Variants in CPLX1 observed in about 807,000 individuals in gnomAD.
CPLX1 encodes complexin-1.
CPLX1 carries 6 observed loss-of-function variants against 15.6 expected under a neutral mutation model. The ratio of observed to expected loss-of-function variants is 0.39; its 90% CI spans 0.21 to 0.76. The LOEUF (loss-of-function observed/expected upper bound fraction) is 0.76, where lower values mean the gene tolerates loss of function less well. CPLX1 is among the 30% of genes least tolerant of loss of function. CPLX1 has a pLI of 0.43. For missense variants in CPLX1, 242 were observed against 188.6 expected (o/e 1.28, Z -1.66); for synonymous variants, 91 against 75.2 (o/e 1.21, Z -1.08).
chr4:788,994 C>T (rs1177089927), intron 3 of CPLX1, among the ~76,000 whole-genome samples: 1 of 152,234 alleles, frequency 6.6e-6, no homozygotes, highest in African/African-American at 2.4e-5. Flanking sequence ...ATCCTTCCTT[C>T]TGGGCCCAGG....
chr4:796,020 G>A (rs2152644196), intron 2 of CPLX1, among the ~76,000 whole-genome samples: 2 of 152,236 alleles, frequency 1.3e-5, no homozygotes, highest in Admixed American at 1.3e-4. Flanking sequence ...CCACGCTCCC[G>A]AGACGCCCAG....
intron 2 of CPLX1, among the ~76,000 whole-genome samples, chr4:793,985 C>G (rs552864013): frequency 4.9e-4 from 75 of 152,368 alleles, no homozygotes; most frequent in Non-Finnish European, 1.5e-5. Context: ...CTCCATGTCC[C>G]TGGCGCTCTG....
intron 2 of CPLX1, among the ~76,000 whole-genome samples, chr4:806,977 A>G (rs1746565890): frequency 6.6e-6 from 1 of 152,266 alleles, no homozygotes; most frequent in Non-Finnish European, 1.5e-5. Flanking sequence ...ATTACTGGGT[A>G]TATACCCAAA....
intron 2 of CPLX1, among the ~76,000 whole-genome samples, chr4:813,803 G>A (rs145007891): frequency 3.4e-4 from 52 of 152,222 alleles, no homozygotes; most frequent in East Asian, 1.4e-3. Flanking sequence ...TGACCTGTGC[G>A]GATTCCCAAG....
At chr4:798,101 C>T (rs1019389475) in intron 2 of CPLX1, among the ~76,000 whole-genome samples, 1 of 151,832 alleles carries the variant, frequency 6.6e-6, no homozygotes, top group African/African-American at 2.4e-5. Context: ...ATGGTGAAAC[C>T]CCGTTTCTAC....
In CPLX1 at chr4:826,075, G is replaced by C. The variant is rs1746985061; in HGVS notation, c.-109C>G. Reference sequence around the variant, plus strand: ...CCGGGGCGCGGGCGGTCAGCGGCGGGGCGCGCTCGGGCCGGCTGGGTCCAT... The same window carrying C: ...CCGGGGCGCGGGCGGTCAGCGGCGGCGCGCGCTCGGGCCGGCTGGGTCCAT... On this transcript the variant is annotated 5_prime_UTR_variant, in exon 1 of 4. Transcript: ENST00000304062. 1 of 145,318 alleles carries C rather than the reference G, an allele frequency of 6.9e-6. No homozygotes were observed. The highest frequency in any genetic ancestry group is 1.5e-5 in the Non-Finnish European group (1 of 66,046). The allele number at this position is 145,318 out of a possible 1,614,324, so 9.0% of individuals were successfully genotyped here.
intron 2 of CPLX1, among the ~76,000 whole-genome samples, chr4:793,829 A>T (rs148911682): frequency 9.6e-4 from 146 of 152,174 alleles, no homozygotes; most frequent in African/African-American, 3.5e-3. Context: ...CCTGGATGCC[A>T]GACCTCCTAA....
intron 3 of CPLX1, chr4:787,667 G>A: frequency 1.0e-6 from 1 of 983,248 alleles, no homozygotes. Context: ...CTCCCCCAGA[G>A]CCTCCAGAGG....
intron 2 of CPLX1, among the ~76,000 whole-genome samples, chr4:807,759 C>T (rs1006589551): frequency 6.6e-6 from 1 of 152,190 alleles, no homozygotes; most frequent in Non-Finnish European, 1.5e-5. Context: ...ACTGAAATTA[C>T]AGGCGTGAGC....
intron 3 of CPLX1, among the ~76,000 whole-genome samples, chr4:790,417 C>T (rs1482360742): frequency 6.6e-6 from 1 of 152,178 alleles, no homozygotes; most frequent in Non-Finnish European, 1.5e-5. Context: ...CTGGGCCCCA[C>T]ATGGAAGCTG....
At chr4:817,209 G>A (rs1340821725) in intron 2 of CPLX1, among the ~76,000 whole-genome samples, 5 of 148,424 alleles carry the variant, frequency 3.4e-5, no homozygotes, top group African/African-American at 5.0e-5. Context: ...TGACAGAAAC[G>A]TTAAGCAAGG....
chr4:792,184 G>C (rs570983383), intron 3 of CPLX1, among the ~76,000 whole-genome samples: 4 of 152,354 alleles, frequency 2.6e-5, no homozygotes, highest in East Asian at 3.9e-4. Flanking sequence ...CTGCGCATCG[G>C]AATGCGGGCC....
chr4:816,207 C>T (rs1000057244), intron 2 of CPLX1, among the ~76,000 whole-genome samples: 1 of 148,606 alleles, frequency 6.7e-6, no homozygotes, highest in African/African-American at 2.5e-5. Context: ...AGGCATTCTC[C>T]GTGAAATTTT....
At chr4:792,350 C>G in intron 3 of CPLX1, 83 bp downstream of exon 3, 1 of 1,309,726 alleles carries the variant, frequency 7.6e-7, no homozygotes, top group Non-Finnish European at 1.0e-6. Flanking sequence ...CTCTTCCGGG[C>G]AGCCCCTTCC....
At chr4:807,310 A>T (rs1746573755) in intron 2 of CPLX1, among the ~76,000 whole-genome samples, 1 of 152,166 alleles carries the variant, frequency 6.6e-6, no homozygotes, top group Admixed American at 6.5e-5. Flanking sequence ...AAAAACACAC[A>T]CTGGGGCCTA....
chr4:815,726 G>A (rs947129510), intron 2 of CPLX1, among the ~76,000 whole-genome samples: 4 of 152,190 alleles, frequency 2.6e-5, no homozygotes, highest in Admixed American at 1.3e-4. Context: ...GGTTTCACAG[G>A]TCATAAATCT....
chr4:816,659 T>TAA (rs1233180226), intron 2 of CPLX1, among the ~76,000 whole-genome samples: 1 of 146,542 alleles, frequency 6.8e-6, no homozygotes. Context: ...GACCCTGTCT[T>TAA]AAAAAAAAAA....
chr4:798,430 TAGAC>T (rs2152644747), intron 2 of CPLX1, among the ~76,000 whole-genome samples: 1 of 152,346 alleles, frequency 6.6e-6, no homozygotes, highest in South Asian at 2.1e-4. Context: ...TTTCTTTTCT[TAGAC>T]AGGGTCTTGC....
At chr4:800,849 GTA>G (rs763825494) in intron 2 of CPLX1, among the ~76,000 whole-genome samples, 111 of 131,528 alleles carry the variant, frequency 8.4e-4, no homozygotes, top group African/African-American at 1.7e-3. Flanking sequence ...GTATATATAT[GTA>G]TATATATATA....
Sources: gnomAD v4.1 joint callset for allele counts (sites outside exome capture counted in the v4.1 genomes callset) on GRCh38, gnomAD v4.1.1 for gene constraint, MANE v1.5 for transcripts, NCBI Gene and HGNC (gene_info 2026-07-23, HGNC 2026-07-21) for gene names.